The following MYO5A variants were observed in gnomAD, a reference collection of about 807,000 sequenced individuals.
The protein encoded by MYO5A is unconventional myosin-Va.
Under a neutral mutation model 249.7 loss-of-function variants are expected in MYO5A, and 98 were observed. The ratio of observed to expected loss-of-function variants is 0.39; its 90% CI spans 0.33 to 0.46. The LOEUF (loss-of-function observed/expected upper bound fraction) is 0.46, where lower values mean the gene tolerates loss of function less well. MYO5A is among the 20% of genes least tolerant of loss of function. MYO5A has a pLI of 0.98. For synonymous variants in MYO5A, 778 were observed against 810.6 expected, an observed-to-expected ratio of 0.96 and a Z score of 0.68; for missense variants, 1,696 against 2,308.8, an observed-to-expected ratio of 0.73 and a Z score of 5.44.
chr15:52,396,520 T>C, intron 10 of MYO5A, 123 bp from the exon 11 acceptor site: 1 of 645,446 alleles, frequency 1.5e-6, no homozygotes. Context: ...AAACTTTCTT[T>C]CCATATCAGT....
At chr15:52,460,131 C>T (rs959623788) in intron 1 of MYO5A, among the ~76,000 whole-genome samples, 2 of 151,212 alleles carry the variant, frequency 1.3e-5, no homozygotes, top group Admixed American at 1.3e-4. Context: ...GACGGGATGA[C>T]GGCCGGGAAG....
intron 13 of MYO5A, 71 bp from the exon 14 acceptor site, chr15:52,387,983 G>T (rs2141150900): frequency 1.8e-6 from 2 of 1,113,662 alleles, no homozygotes; most frequent in South Asian, 1.3e-5. Context: ...TCAATAATAA[G>T]AATCTTTATT....
intron 1 of MYO5A, among the ~76,000 whole-genome samples, chr15:52,478,451 T>G (rs1020938388): frequency 6.6e-6 from 1 of 152,170 alleles, no homozygotes; most frequent in Non-Finnish European, 1.5e-5. Context: ...CCCAGTGAGA[T>G]GAACCCGGTA....
At chr15:52,511,361 T>C (rs1191531256) in intron 1 of MYO5A, among the ~76,000 whole-genome samples, 1 of 152,282 alleles carries the variant, frequency 6.6e-6, no homozygotes, top group African/African-American at 2.4e-5. Flanking sequence ...GATCGCAGTC[T>C]GTCTCAGAGA....
chr15:52,446,165 C>G (rs1304533799), intron 1 of MYO5A, among the ~76,000 whole-genome samples: 1 of 152,234 alleles, frequency 6.6e-6, no homozygotes, highest in Non-Finnish European at 1.5e-5. Flanking sequence ...CCACCACAGG[C>G]CCAGAGGCCT....
intron 30 of MYO5A, among the ~76,000 whole-genome samples, chr15:52,343,772 G>C (rs1349789548): frequency 6.6e-6 from 1 of 152,080 alleles, no homozygotes; most frequent in Non-Finnish European, 1.5e-5. Flanking sequence ...AAGCTTTTTT[G>C]TGTCAAAAAT....
intron 1 of MYO5A, among the ~76,000 whole-genome samples, chr15:52,504,436 C>T (rs868507252): frequency 6.6e-6 from 1 of 152,208 alleles, no homozygotes; most frequent in Non-Finnish European, 1.5e-5. Flanking sequence ...ATGTCCAAAG[C>T]ATGACTAGAA....
At position 52,479,596 on chromosome 15, in the gene MYO5A, A is replaced by G. The variant is rs141185388; in HGVS notation, c.28-46311T>C. 5.3e-5 allele frequency among the ~76,000 whole-genome samples: 8 copies of G among 152,350 alleles called. No individual in the cohort carries two copies. The East Asian group carries it at 1.3e-3, about 26-fold the overall frequency. ...ATACTTAAAAAAAAGTTAGGTCTGT[A>G]TGTGCTGACATGGAAAGATACTGTT... On this transcript the variant is annotated intron_variant, in intron 1 of 41. Transcript: ENST00000399233.
At chr15:52,321,262 A>G in intron 38 of MYO5A, 97 bp downstream of exon 38, 1 of 1,525,932 alleles carries the variant, frequency 6.6e-7, no homozygotes. Context: ...TGCTCCCCAA[A>G]TGAATACCTG....
intron 1 of MYO5A, among the ~76,000 whole-genome samples, chr15:52,480,574 A>G (rs1350596902): frequency 2.0e-5 from 3 of 152,176 alleles, no homozygotes; most frequent in African/African-American, 7.2e-5. Flanking sequence ...TCAGAAGCAA[A>G]CATAATGGAT....
intron 25 of MYO5A, among the ~76,000 whole-genome samples, chr15:52,358,749 T>G (rs1372977598): frequency 6.6e-6 from 1 of 151,810 alleles, no homozygotes; most frequent in East Asian, 1.9e-4. Flanking sequence ...AACTCCCCAG[T>G]CAAATCCCAC....
intron 21 of MYO5A, among the ~76,000 whole-genome samples, chr15:52,370,955 A>T (rs189003652): frequency 6.6e-6 from 1 of 150,750 alleles, no homozygotes; most frequent in African/African-American, 2.5e-5. Context: ...TTACAAAAAA[A>T]TTTAAAAATT....
intron 15 of MYO5A, 23 bp from the exon 16 acceptor site, chr15:52,383,211 G>C: frequency 1.3e-6 from 2 of 1,559,860 alleles, no homozygotes; most frequent in Non-Finnish European, 1.8e-6. Context: ...GGGCAGAAGA[G>C]GGTATCAAGG....
In MYO5A at chr15:52,319,106, G is replaced by A; in HGVS notation, c.5188C>T (p.Leu1730Phe). ...CAGGAGCACATGTCCTTCCGCAGGA[G>A]AAGGTTGTTCAGGGTGATGGCCCCT... ...IIGAITLNNLLLRKDMCSWSK... is the reference protein window; with the variant it reads ...IIGAITLNNLFLRKDMCSWSK... The change falls in exon 39 of 42, where the codon CTC becomes TTC. Residue 1730 changes from leucine (L) to phenylalanine (F), a missense_variant. By Grantham distance (22) the Leu-to-Phe change is conservative (BLOSUM62 0). This residue lies in a region of MYO5A where 625 missense variants were observed against 908.1 expected (regional missense o/e 0.69). Coordinates refer to ENST00000399233, the MANE Select transcript of MYO5A (RefSeq NM_001382347.1). 6.2e-7 allele frequency: 1 copy of A among 1,614,264 alleles called. No homozygotes were observed. Among genetic ancestry groups the A allele is most frequent in the East Asian group, 2.2e-5 (1 of 44,888 alleles).
intron 1 of MYO5A, among the ~76,000 whole-genome samples, chr15:52,456,312 G>A (rs539739746): frequency 2.6e-5 from 4 of 152,050 alleles, no homozygotes; most frequent in Admixed American, 6.5e-5. Context: ...AGAAATTAAA[G>A]AGGACACACA....
At chr15:52,400,671 G>T (rs1178386020) in intron 9 of MYO5A, among the ~76,000 whole-genome samples, 1 of 152,118 alleles carries the variant, frequency 6.6e-6, no homozygotes, top group Non-Finnish European at 1.5e-5. Context: ...CTCATGATTA[G>T]ATTTGGGCAG....
At chr15:52,477,385 CCTT>C (rs1377962654) in intron 1 of MYO5A, among the ~76,000 whole-genome samples, 3 of 152,176 alleles carry the variant, frequency 2.0e-5, no homozygotes, top group Middle Eastern at 3.2e-3. Context: ...TCTTCCGAAG[CCTT>C]CTTCTCTCAA....
intron 1 of MYO5A, among the ~76,000 whole-genome samples, chr15:52,497,880 A>G (rs1333056750): frequency 3.3e-5 from 5 of 152,012 alleles, no homozygotes; most frequent in Non-Finnish European, 4.4e-5. Flanking sequence ...AAAACTATCA[A>G]GGGAAATTAA....
In MYO5A at chr15:52,316,228, C is replaced by T. The variant is rs200042993; in HGVS notation, c.5409+820G>A. 9.1e-3 allele frequency among the ~76,000 whole-genome samples: 955 copies of T among 104,480 alleles called. 16 individuals carry two copies. Among genetic ancestry groups the T allele is most frequent in the African/African-American group, 0.036 (877 of 24,634 alleles). 68.5% of individuals were successfully genotyped at this position (104,480 alleles called of 152,430 possible). On this transcript the variant is annotated intron_variant, in intron 40 of 41. Coordinates refer to ENST00000399233, the MANE Select transcript of MYO5A (RefSeq NM_001382347.1). ...CAACCTGGGCGACACAGCGAGACTC[C>T]GTCACAAAAAAAAAAAAAAAAAAAA... is the stretch of plus-strand genomic sequence containing the variant.
Sources: allele counts gnomAD v4.1 joint callset (sites outside exome capture counted in the v4.1 genomes callset), GRCh38; gene constraint gnomAD v4.1.1; regional missense constraint gnomAD v4.1.1; transcripts MANE v1.5; gene names NCBI Gene and HGNC (gene_info 2026-07-23, HGNC 2026-07-21).